Variants in CNTNAP2 observed in about 807,000 individuals in gnomAD.
CNTNAP2 encodes contactin associated protein 2.
A neutral mutation model predicts 155.2 loss-of-function variants in CNTNAP2; 98 were observed. That is an observed-to-expected ratio of 0.63 (90% confidence interval 0.54 to 0.75). The LOEUF is 0.75. Among genes scored for constraint, CNTNAP2 ranks in the 30% least tolerant of loss-of-function variants. The pLI is 0.00. For synonymous variants in CNTNAP2, 651 were observed against 631.2 expected (o/e 1.03, Z -0.47); for missense variants, 1,727 against 1,688.1 (o/e 1.02, Z -0.40).
intron 13 of CNTNAP2, among the ~76,000 whole-genome samples, chr7:147,644,372 G>A (rs966742504): frequency 1.3e-5 from 2 of 152,196 alleles, no homozygotes; most frequent in African/African-American, 4.8e-5. Flanking sequence ...TGTAATCCCA[G>A]CACTTTGGGA....
At chr7:147,762,467 C>A (rs1293056799) in intron 13 of CNTNAP2, among the ~76,000 whole-genome samples, 4 of 151,624 alleles carry the variant, frequency 2.6e-5, no homozygotes, top group Admixed American at 2.6e-4. Context: ...TGAGCTGCTG[C>A]GGAGGCAATT....
intron 13 of CNTNAP2, among the ~76,000 whole-genome samples, chr7:147,766,966 C>T (rs921061344): frequency 3.3e-5 from 5 of 151,970 alleles, no homozygotes; most frequent in African/African-American, 9.7e-5. Flanking sequence ...GAAAAAAGTA[C>T]TGACAATTTA....
In CNTNAP2 at chr7:146,780,191, CTGT is replaced by C. The variant is rs1802459933; in HGVS notation, c.208+5812_208+5814del. On this transcript the variant is annotated intron_variant, in intron 2 of 23. Transcript: ENST00000361727. The stretch of plus-strand genomic sequence containing the variant: ...CTCGCCAGCATCTGTTGTTTCCTGA[CTGT>C]TTTTTTTTTGAGACGGAGTCTCTCT... Among the ~76,000 whole-genome samples the C allele has an allele frequency of 3.3e-5, 4 of 122,226 alleles. No homozygotes were observed. In the South Asian group the frequency reaches 9.8e-4, roughly 30 times the overall value. The allele number at this position is 122,226 out of a possible 152,430, so 80.2% of individuals were successfully genotyped here.
intron 1 of CNTNAP2, among the ~76,000 whole-genome samples, chr7:146,561,574 G>A (rs1476163461): frequency 6.6e-6 from 1 of 152,002 alleles, no homozygotes; most frequent in African/African-American, 2.4e-5. Flanking sequence ...CGGGAGCGTC[G>A]CTTGACCTAG....
chr7:147,842,895 A>G (rs1798779266), intron 13 of CNTNAP2, among the ~76,000 whole-genome samples: 1 of 37,462 alleles, frequency 2.7e-5, no homozygotes, highest in Non-Finnish European at 4.7e-5. Flanking sequence ...TTCCAATTTC[A>G]TCCATGTCCC....
chr7:148,294,052 A>G (rs530167323), intron 21 of CNTNAP2, among the ~76,000 whole-genome samples: 1 of 150,590 alleles, frequency 6.6e-6, no homozygotes, highest in South Asian at 2.1e-4. Flanking sequence ...AAAAAAAAAA[A>G]AAAAAAAAAA....
At chr7:146,462,827 G>C (rs982246246) in intron 1 of CNTNAP2, among the ~76,000 whole-genome samples, 2 of 152,164 alleles carry the variant, frequency 1.3e-5, no homozygotes, top group African/African-American at 4.8e-5. Flanking sequence ...TTGATCCCTT[G>C]CAACAGTTTG....
At chr7:146,155,634 A>G (rs1216770919) in intron 1 of CNTNAP2, among the ~76,000 whole-genome samples, 3 of 151,598 alleles carry the variant, frequency 2.0e-5, no homozygotes, top group African/African-American at 4.8e-5. Flanking sequence ...TAATAATTAT[A>G]TAGTAATTAC....
chr7:146,299,878 A>C (rs972016012), intron 1 of CNTNAP2, among the ~76,000 whole-genome samples: 7 of 152,212 alleles, frequency 4.6e-5, no homozygotes, highest in African/African-American at 1.4e-4. Context: ...GTAGAGAATA[A>C]GTTCAGATAT....
intron 1 of CNTNAP2, among the ~76,000 whole-genome samples, chr7:146,305,542 C>T (rs1339421756): frequency 6.6e-6 from 1 of 152,052 alleles, no homozygotes; most frequent in African/African-American, 2.4e-5. Context: ...CCTGGAGGTC[C>T]ACTCCATACC....
chr7:148,386,648 C>T (rs558794124), intron 22 of CNTNAP2, among the ~76,000 whole-genome samples: 25 of 152,184 alleles, frequency 1.6e-4, no homozygotes, highest in African/African-American at 5.3e-4. Context: ...AGAGGACAGA[C>T]GTAGAAATGA....
chr7:147,661,350 T>A (rs77619438), intron 13 of CNTNAP2, among the ~76,000 whole-genome samples: 11,907 of 152,210 alleles, frequency 0.078, 568 homozygotes, highest in South Asian at 0.14. Context: ...TAATGAAGTG[T>A]TTAGCCCAAT....
intron 13 of CNTNAP2, among the ~76,000 whole-genome samples, chr7:147,833,760 G>C (rs766365278): frequency 1.3e-5 from 2 of 152,172 alleles, no homozygotes; most frequent in African/African-American, 2.4e-5. Context: ...TTTCTTACTG[G>C]TCGCATCCAA....
chr7:146,938,565 C>A (rs546964062), intron 3 of CNTNAP2, among the ~76,000 whole-genome samples: 1 of 151,808 alleles, frequency 6.6e-6, no homozygotes, highest in South Asian at 2.1e-4. Flanking sequence ...ATCCATGTTA[C>A]AGTGAAACAT....
intron 1 of CNTNAP2, among the ~76,000 whole-genome samples, chr7:146,254,847 G>A (rs1312817837): frequency 6.6e-6 from 1 of 151,876 alleles, no homozygotes; most frequent in Non-Finnish European, 1.5e-5. Context: ...CTGAAGGTAG[G>A]AAACAAACCA....
intron 1 of CNTNAP2, among the ~76,000 whole-genome samples, chr7:146,386,058 G>A: frequency 6.6e-6 from 1 of 152,072 alleles, no homozygotes; most frequent in Non-Finnish European, 1.5e-5. Flanking sequence ...ATCCCCAACA[G>A]GACAACTTGC....
chr7:147,530,969 CA>C (rs1297051125), intron 11 of CNTNAP2, among the ~76,000 whole-genome samples: 1 of 152,126 alleles, frequency 6.6e-6, no homozygotes, highest in Non-Finnish European at 1.5e-5. Context: ...TTGGCCGAAA[CA>C]AAGGAGCTAC....
intron 3 of CNTNAP2, among the ~76,000 whole-genome samples, chr7:146,886,506 G>A (rs1200202433): frequency 6.6e-6 from 1 of 151,936 alleles, no homozygotes; most frequent in African/African-American, 2.4e-5. Context: ...ACAGATCCAT[G>A]GAAAGAATAA....
At chr7:146,350,730 G>C (rs1420201784) in intron 1 of CNTNAP2, among the ~76,000 whole-genome samples, 1 of 151,960 alleles carries the variant, frequency 6.6e-6, no homozygotes, top group African/African-American at 2.4e-5. Context: ...ACATGCACAC[G>C]TATGTTTATT....
Sources: gnomAD v4.1 joint callset for allele counts (sites outside exome capture counted in the v4.1 genomes callset) on GRCh38, gnomAD v4.1.1 for gene constraint, MANE v1.5 for transcripts, NCBI Gene and HGNC (gene_info 2026-07-23, HGNC 2026-07-21) for gene names.